NEK11: variants seen among roughly 807,000 people sequenced by gnomAD.
The protein encoded by NEK11 is serine/threonine-protein kinase Nek11.
A neutral mutation model predicts 80.7 loss-of-function variants in NEK11; 72 were observed. The ratio of observed to expected loss-of-function variants is 0.89; its 90% confidence interval spans 0.74 to 1.08. The LOEUF (loss-of-function observed/expected upper bound fraction) is 1.08. Ranked by LOEUF, NEK11 falls within the 50% of genes least tolerant of loss-of-function variation. NEK11 has a pLI of 0.00. For missense variants in NEK11, 764 were observed against 763.6 expected (o/e 1.00, Z -0.01); for synonymous variants, 251 against 260.7 (o/e 0.96, Z 0.36).
chr3:131,060,085 G>A (rs1010782514), intron 3 of NEK11, among the ~76,000 whole-genome samples: 1 of 152,196 alleles, frequency 6.6e-6, no homozygotes, highest in African/African-American at 2.4e-5. Flanking sequence ...CAGGTACTAT[G>A]CCAATTCTAT....
chr3:131,135,666 T>C (rs1465123057), intron 7 of NEK11, among the ~76,000 whole-genome samples: 1 of 152,150 alleles, frequency 6.6e-6, no homozygotes, highest in African/African-American at 2.4e-5. Flanking sequence ...TTACATTTAA[T>C]TTTAAAAATT....
chr3:131,274,713 G>A (rs1445803521), intron 17 of NEK11, among the ~76,000 whole-genome samples: 2 of 136,362 alleles, frequency 1.5e-5, no homozygotes, highest in African/African-American at 5.6e-5. Context: ...GACTGCAGTG[G>A]CGCAATCTCG....
intron 17 of NEK11, among the ~76,000 whole-genome samples, chr3:131,305,403 C>A (rs1345901894): frequency 2.0e-5 from 3 of 151,992 alleles, no homozygotes; most frequent in Non-Finnish European, 4.4e-5. Flanking sequence ...TGCTAGCAGG[C>A]ATGGTGAGGG....
intron 17 of NEK11, chr3:131,325,882 G>A (rs1233312757): frequency 6.6e-6 from 1 of 152,200 alleles, no homozygotes. Context: ...AAAACATACA[G>A]TTAGCTAAAA....
intron 13 of NEK11, 88 bp downstream of exon 13, chr3:131,169,025 C>A: frequency 1.0e-6 from 1 of 963,972 alleles, no homozygotes; most frequent in Non-Finnish European, 1.6e-6. Flanking sequence ...GGAAGCCGAA[C>A]ACTTTGCAGA....
chr3:131,231,762 C>A (rs991333438), intron 15 of NEK11, among the ~76,000 whole-genome samples: 2 of 151,904 alleles, frequency 1.3e-5, no homozygotes, highest in African/African-American at 4.8e-5. Context: ...TTGAGAGAGA[C>A]CTGCTGCCAT....
intron 5 of NEK11, among the ~76,000 whole-genome samples, chr3:131,131,550 A>G (rs568776125): frequency 3.3e-5 from 5 of 152,218 alleles, no homozygotes; most frequent in East Asian, 3.9e-4. Context: ...TGTCCACGGA[A>G]TCTGTAGTGA....
At chr3:131,236,084 T>G (rs2095425817) in intron 15 of NEK11, among the ~76,000 whole-genome samples, 1 of 152,244 alleles carries the variant, frequency 6.6e-6, no homozygotes, top group Non-Finnish European at 1.5e-5. Context: ...AACAACTGTG[T>G]ATCACAATGA....
intron 16 of NEK11, among the ~76,000 whole-genome samples, chr3:131,258,945 G>T (rs1291958146): frequency 6.6e-6 from 1 of 152,106 alleles, no homozygotes; most frequent in Non-Finnish European, 1.5e-5. Context: ...TCATGGGGAG[G>T]TAGTGTAAAT....
chr3:131,051,174 A>G (rs1261925173), intron 3 of NEK11, among the ~76,000 whole-genome samples: 3 of 152,216 alleles, frequency 2.0e-5, no homozygotes, highest in Non-Finnish European at 4.4e-5. Flanking sequence ...ATACTTGGAG[A>G]GTTTTAATTC....
At chr3:131,239,757 G>A (rs2095492280) in intron 15 of NEK11, among the ~76,000 whole-genome samples, 1 of 152,180 alleles carries the variant, frequency 6.6e-6, no homozygotes, top group Non-Finnish European at 1.5e-5. Context: ...CTAAGGGACT[G>A]CTGGTGCTCA....
intron 15 of NEK11, among the ~76,000 whole-genome samples, chr3:131,235,255 C>T (rs959166581): frequency 6.6e-6 from 1 of 152,006 alleles, no homozygotes; most frequent in African/African-American, 2.4e-5. Context: ...TGCAGTGGAC[C>T]CTCTAGTGCT....
rs745678976 is a variant in NEK11, at chr3:131,109,857, C to T, written c.391C>T (p.Pro131Ser). The T allele has an allele frequency of 5.6e-6, 9 of 1,605,940 alleles. No homozygotes were observed. The highest frequency in any genetic ancestry group is 7.6e-6 in the Non-Finnish European group (9 of 1,176,956). ...QEYKQAGKIF[P>S]ENQIIEWFIQ... Reference sequence around the variant, plus strand: ...ATATAAACAAGCTGGAAAAATCTTTCCAGAAAATCAAATAATAGAATGGTT... The same window carrying T: ...ATATAAACAAGCTGGAAAAATCTTTTCAGAAAATCAAATAATAGAATGGTT... The change falls in exon 5 of 18, where the codon CCA becomes TCA. Residue 131 changes from proline (P) to serine (S), a missense_variant. By Grantham distance (74) the Pro-to-Ser change is moderately conservative (BLOSUM62 -1). Coordinates refer to ENST00000383366, the MANE Select transcript of NEK11 (RefSeq NM_024800.5).
intron 17 of NEK11, among the ~76,000 whole-genome samples, chr3:131,304,611 T>A (rs1181755487): frequency 6.6e-6 from 1 of 152,172 alleles, no homozygotes; most frequent in African/African-American, 2.4e-5. Context: ...AGTTTGATTG[T>A]GGTACAGGGT....
intron 3 of NEK11, 87 bp from the exon 4 acceptor site, chr3:131,080,336 A>T (rs1399161532): frequency 1.0e-6 from 1 of 952,606 alleles, no homozygotes; most frequent in Non-Finnish European, 1.5e-6. Context: ...CAACCTGGGC[A>T]TTAATTAATG....
Position 131,320,845 on chromosome 3 carries a change from A to G in NEK11, c.1719-28712A>G, listed in dbSNP as rs555497041. 8.5e-5 allele frequency among the ~76,000 whole-genome samples: 13 copies of G among 152,318 alleles called. No homozygotes were observed. The South Asian group carries it at 2.5e-3, about 29-fold the overall frequency. ...AACTACAAAACACTGCTAAGAAATCATAGATGACACAAACAAATACAAAAA... is the reference window on the plus strand; with the variant it reads ...AACTACAAAACACTGCTAAGAAATCGTAGATGACACAAACAAATACAAAAA... On this transcript the variant is annotated intron_variant, in intron 17 of 17. Coordinates refer to ENST00000383366, the MANE Select transcript of NEK11 (RefSeq NM_024800.5).
At chr3:131,331,486 T>G (rs919508873) in intron 17 of NEK11, among the ~76,000 whole-genome samples, 2 of 152,212 alleles carry the variant, frequency 1.3e-5, no homozygotes, top group African/African-American at 2.4e-5. Context: ...GCAGCCAAGA[T>G]GGCCGAATAG....
In NEK11 at chr3:131,155,138, T is replaced by C. The variant is rs562694249; in HGVS notation, c.962+17T>C. ...TAATGCCATGTAAGTAATTGCTTTGTTTTTAAAAAGCCCATCGAGTGTAAA... is the reference window on the plus strand; with the variant it reads ...TAATGCCATGTAAGTAATTGCTTTGCTTTTAAAAAGCCCATCGAGTGTAAA... On this transcript the variant is annotated intron_variant, in intron 10 of 17. Coordinates refer to ENST00000383366, the MANE Select transcript of NEK11 (RefSeq NM_024800.5). The C allele has an allele frequency of 1.8e-5, 28 of 1,525,204 alleles. No individual in the cohort carries two copies. The highest frequency in any genetic ancestry group is 2.3e-5 in the Non-Finnish European group (25 of 1,099,634). The allele number at this position is 1,525,204 out of a possible 1,614,324, so 94.5% of individuals were successfully genotyped here. A position where few individuals can be genotyped will look rare whatever the true frequency, so the allele number is the denominator to read the frequency against.
chr3:131,111,230 TA>T (rs1412149366), intron 5 of NEK11, among the ~76,000 whole-genome samples: 2 of 152,136 alleles, frequency 1.3e-5, no homozygotes, highest in Non-Finnish European at 2.9e-5. Context: ...TAAATGAGTT[TA>T]AAATAACCCT....
Sources: gnomAD v4.1 joint callset for allele counts (sites outside exome capture counted in the v4.1 genomes callset) on GRCh38, gnomAD v4.1.1 for gene constraint, MANE v1.5 for transcripts, NCBI Gene and HGNC (gene_info 2026-07-23, HGNC 2026-07-21) for gene names.